IRAK1BP1: variants seen among roughly 807,000 people sequenced by gnomAD.
The protein encoded by IRAK1BP1 is interleukin 1 receptor associated kinase 1 binding protein 1.
A neutral mutation model predicts 28.0 loss-of-function variants in IRAK1BP1; 24 were observed. That is an observed-to-expected ratio of 0.86 (90% CI 0.62 to 1.20). IRAK1BP1 has a LOEUF of 1.20. Among genes scored for constraint, IRAK1BP1 ranks in the 50% most tolerant of loss-of-function variants. The pLI, the probability that IRAK1BP1 is intolerant of heterozygous loss-of-function variation, is 0.00. For synonymous variants in IRAK1BP1, 131 were observed against 116.3 expected (o/e 1.13, Z -0.81); for missense variants, 336 against 316.7 (o/e 1.06, Z -0.46).
At chr6:78,978,482 G>A in the IRAK1BP1 span, 6 of 720,310 alleles carry the variant, frequency 8.3e-6, no homozygotes, top group South Asian at 1.1e-4. Context: ...TATCTAGAAT[G>A]AGATACTTTA....
downstream of IRAK1BP1, among the ~76,000 whole-genome samples, chr6:78,949,624 C>T (rs1035564125): frequency 6.6e-6 from 1 of 152,106 alleles, no homozygotes; most frequent in African/African-American, 2.4e-5. Context: ...CAAAACCTAG[C>T]ACTTCCCCTG....
the IRAK1BP1 span, among the ~76,000 whole-genome samples, chr6:78,975,010 CT>C: frequency 1.3e-5 from 2 of 151,512 alleles, no homozygotes; most frequent in Non-Finnish European, 2.9e-5. Context: ...GGAATCCCCC[CT>C]AACTCATTTT....
intron 1 of IRAK1BP1, 54 bp downstream of exon 1, chr6:78,867,945 A>T: frequency 6.8e-7 from 1 of 1,479,316 alleles, no homozygotes. Context: ...AAGGGTTGGC[A>T]GATGGTCGGG....
chr6:78,978,520 T>C, the IRAK1BP1 span: 6 of 1,245,948 alleles, frequency 4.8e-6, no homozygotes, highest in Admixed American at 1.2e-4. Context: ...TCCAGAAGTC[T>C]ATTTCAAGAG....
rs886554983 is a variant in IRAK1BP1, at chr6:78,899,687, C to T, written c.*1353C>T. ...CTGCCTCCTGAATTTAAGCGATTCT[C>T]CTGCCTCAGCCTCCCAAGTAGCTGG... On this transcript the variant is annotated 3_prime_UTR_variant, in exon 4 of 4. Coordinates refer to ENST00000369940, the MANE Select transcript of IRAK1BP1 (RefSeq NM_001010844.4). 3 of 152,126 alleles carry T rather than the reference C, an allele frequency of 2.0e-5. No homozygotes were observed. The highest frequency in any genetic ancestry group is 7.2e-5 in the African/African-American group (3 of 41,432). 9.4% of individuals were successfully genotyped at this position (152,126 alleles called of 1,614,324 possible).
At chr6:78,871,353 C>T in intron 1 of IRAK1BP1, 1 of 985,138 alleles carries the variant, frequency 1.0e-6, no homozygotes, top group Non-Finnish European at 1.2e-6. Flanking sequence ...AGTGTTTAAC[C>T]CCTTTAACCC....
chr6:78,915,878 GCAATT>G (rs1772547547), intron 4 of IRAK1BP1, among the ~76,000 whole-genome samples: 1 of 152,060 alleles, frequency 6.6e-6, no homozygotes, highest in African/African-American at 2.4e-5. Context: ...AATAGTGTTG[GCAATT>G]CAATTAAAAG....
At chr6:78,954,900 T>C in the IRAK1BP1 span, 21 of 1,588,636 alleles carry the variant, frequency 1.3e-5, no homozygotes, top group Non-Finnish European at 1.8e-5. Flanking sequence ...TCACACTGTT[T>C]CTTCCATGCT....
the IRAK1BP1 span, chr6:78,971,008 T>C: frequency 1.5e-6 from 1 of 654,912 alleles, no homozygotes; most frequent in Non-Finnish European, 2.6e-6. Context: ...GAAATTCTAA[T>C]ATTTTCTCCC....
the IRAK1BP1 span, among the ~76,000 whole-genome samples, chr6:78,975,972 G>T: frequency 6.6e-6 from 1 of 151,570 alleles, no homozygotes; most frequent in South Asian, 2.1e-4. Context: ...CAGATTCAAT[G>T]CCATCCCCAT....
At chr6:78,948,486 C>CA (rs1773953679), downstream of IRAK1BP1, among the ~76,000 whole-genome samples, 1 of 151,852 alleles carries the variant, frequency 6.6e-6, no homozygotes, top group African/African-American at 2.4e-5. Flanking sequence ...TTAGCAGGGA[C>CA]AAAGAGTATT....
chr6:78,977,971 C>T, the IRAK1BP1 span, among the ~76,000 whole-genome samples: 4 of 152,080 alleles, frequency 2.6e-5, no homozygotes, highest in Non-Finnish European at 5.9e-5. Flanking sequence ...ATCTGTTGGA[C>T]ACCAGATAAC....
the IRAK1BP1 span, among the ~76,000 whole-genome samples, chr6:78,952,436 A>G: frequency 6.6e-6 from 1 of 151,046 alleles, no homozygotes. Flanking sequence ...AAGAAAAAAA[A>G]AAAAGAAAAA....
chr6:78,923,145 C>T (rs1336397154), intron 4 of IRAK1BP1, among the ~76,000 whole-genome samples: 1 of 152,060 alleles, frequency 6.6e-6, no homozygotes, highest in East Asian at 1.9e-4. Flanking sequence ...GATAAAGACT[C>T]AAGACCCATC....
At chr6:78,952,141 C>A in the IRAK1BP1 span, among the ~76,000 whole-genome samples, 2 of 152,000 alleles carry the variant, frequency 1.3e-5, no homozygotes, top group Non-Finnish European at 2.9e-5. Flanking sequence ...TCTTGGCCAT[C>A]GGGCATGGTG....
intron 4 of IRAK1BP1, chr6:78,936,498 C>A (rs1164832464): frequency 6.6e-6 from 1 of 151,866 alleles, no homozygotes; most frequent in Non-Finnish European, 1.5e-5. Context: ...GCCTTATATG[C>A]ATGTACTATA....
intron 4 of IRAK1BP1, among the ~76,000 whole-genome samples, chr6:78,919,461 A>C (rs958450612): frequency 6.6e-6 from 1 of 152,184 alleles, no homozygotes; most frequent in African/African-American, 2.4e-5. Context: ...TTAACAAAGA[A>C]AAAAAGAGAG....
rs67306723 is a variant in IRAK1BP1 at position 78,902,768 on chromosome 6, CTACATACATACATACA to C, written c.*4473_*4488del. The C allele has an allele frequency of 0.83, 258,471 of 311,566 alleles. 108,366 individuals are homozygous for C. The highest frequency in any genetic ancestry group is 0.95 in the East Asian group (19,087 of 20,022). The allele number at this position is 311,566 out of a possible 1,614,324, so 19.3% of individuals were successfully genotyped here. Reference sequence around the variant, plus strand: ...CCTGGGTGACAAAGTGAGACTCCATCTACATACATACATACATACATACATACATACATACATACAT... The same window carrying C: ...CCTGGGTGACAAAGTGAGACTCCATCTACATACATACATACATACATACAT... On this transcript the variant is annotated 3_prime_UTR_variant, in exon 4 of 4. Transcript: ENST00000369940.
At chr6:78,955,695 G>A in the IRAK1BP1 span, 58 of 856,228 alleles carry the variant, frequency 6.8e-5, 2 homozygotes, top group South Asian at 9.2e-4. Flanking sequence ...ACATAACAAG[G>A]AAATGTTAAC....
Sources: allele counts gnomAD v4.1 joint callset (sites outside exome capture counted in the v4.1 genomes callset), GRCh38; gene constraint gnomAD v4.1.1; transcripts MANE v1.5; gene names NCBI Gene and HGNC (gene_info 2026-07-23, HGNC 2026-07-21).